MYRF: variants seen among roughly 807,000 people sequenced by gnomAD.
MYRF encodes myelin regulatory factor.
Under a neutral mutation model 126.3 loss-of-function variants are expected in MYRF, and 16 were observed. The ratio of observed to expected loss-of-function variants is 0.13; its 90% CI spans 0.09 to 0.19. The LOEUF is 0.19. Ranked by LOEUF, MYRF falls within the 10% of genes least tolerant of loss-of-function variation. The pLI, the probability that MYRF is intolerant of heterozygous loss-of-function variation, is 1.00. For missense variants in MYRF, 1,104 were observed against 1,547.0 expected (o/e 0.71, Z 4.80); for synonymous variants, 608 against 635.3 (o/e 0.96, Z 0.65).
chr11:61,780,830 C>T (rs2066521482), intron 19 of MYRF, 38 bp downstream of exon 19: 2 of 1,553,452 alleles, frequency 1.3e-6, no homozygotes, highest in Admixed American at 1.9e-5. Context: ...CTGGCTCCTG[C>T]TGCCCCTCTT....
In MYRF at chr11:61,784,282, C is replaced by T; in HGVS notation, c.3197C>T (p.Ser1066Phe). ...LHLSLTLQMN[S>F]SSPVSVVLCS... ...CTGCTAACTGGGCCTGTCTACAGCT[C>T]CTCCTCCCCCGTGTCTGTGGTGCTG... Residue 1066 changes from serine to phenylalanine, a missense_variant and splice_region_variant, in exon 25 of 27, where the codon TCC becomes TTC. Coordinates refer to ENST00000278836, the MANE Select transcript of MYRF (RefSeq NM_001127392.3). 6.2e-7 allele frequency: 1 copy of T among 1,613,662 alleles called. No homozygotes were observed. Among genetic ancestry groups the T allele is most frequent in the Non-Finnish European group, 8.5e-7 (1 of 1,179,862 alleles).
intron 7 of MYRF, among the ~76,000 whole-genome samples, chr11:61,772,265 C>T (rs568776679): frequency 2.6e-5 from 4 of 152,298 alleles, no homozygotes; most frequent in Admixed American, 6.5e-5. Context: ...GGAAGGTAGC[C>T]GGAAGCTGAG....
Position 61,773,940 on chromosome 11 carries a change from G to A in MYRF, c.1116-27G>A, listed in dbSNP as rs1354656600. On this transcript the variant is annotated intron_variant, in intron 7 of 26. Transcript: ENST00000278836. ...TTCCAGGCCCGGCTCTGGGGCCTCA[G>A]GGGAGTGCCCTCACCCGCCCCCCCA... The A allele has an allele frequency of 1.9e-6, 3 of 1,583,598 alleles. No homozygotes were observed. In the Admixed American group the frequency reaches 5.3e-5, roughly 28 times the overall value.
intron 3 of MYRF, 48 bp from the exon 4 acceptor site, chr11:61,769,212 C>G (rs1237138960): frequency 8.6e-7 from 1 of 1,158,210 alleles, no homozygotes; most frequent in East Asian, 2.6e-5. Context: ...AGCTGGAAGG[C>G]AGAAGCTCAG....
chr11:61,755,972 G>T (rs1479822375), intron 1 of MYRF, among the ~76,000 whole-genome samples: 1 of 152,224 alleles, frequency 6.6e-6, no homozygotes, highest in Non-Finnish European at 1.5e-5. Flanking sequence ...AAGCTGATGG[G>T]TGGCTGGACT....
rs1381779473 is a variant in MYRF, at chr11:61,777,571, G to T, written c.1791+107G>T. 1 of 1,409,698 alleles carries T rather than the reference G, an allele frequency of 7.1e-7. No homozygotes were observed. The highest frequency in any genetic ancestry group is 9.7e-7 in the Non-Finnish European group (1 of 1,034,830). The allele number at this position is 1,409,698 out of a possible 1,614,324, so 87.3% of individuals were successfully genotyped here. The stretch of plus-strand genomic sequence containing the variant: ...ACTACGCGGAAAGGCGGAGCTGCGG[G>T]GGAAGGAAGGGAGGGAGGCTGGCCT... On this transcript the variant is annotated intron_variant, in intron 12 of 26. Coordinates refer to ENST00000278836, the MANE Select transcript of MYRF (RefSeq NM_001127392.3). The surrounding 1 kb of genome is among the most constrained non-coding windows in gnomAD (Gnocchi z 8.8).
intron 1 of MYRF, among the ~76,000 whole-genome samples, chr11:61,764,090 C>T (rs1027815936): frequency 2.6e-5 from 4 of 152,208 alleles, no homozygotes; most frequent in African/African-American, 4.8e-5. Flanking sequence ...ATTGGTGGTG[C>T]GTGGTGGGTG....
intron 1 of MYRF, 59 bp downstream of exon 1, chr11:61,752,849 TC>T: frequency 1.4e-6 from 2 of 1,438,516 alleles, no homozygotes; most frequent in Admixed American, 2.6e-5. Context: ...CCGGCTGATC[TC>T]CCCGGGAACT....
At chr11:61,773,046 C>T (rs2066270496) in intron 7 of MYRF, among the ~76,000 whole-genome samples, 1 of 151,490 alleles carries the variant, frequency 6.6e-6, no homozygotes, top group African/African-American at 2.4e-5. Flanking sequence ...TGCTCTGTTG[C>T]CCAGGCTGGA....
chr11:61,773,890 AC>A, intron 7 of MYRF, 76 bp from the exon 8 acceptor site: 1 of 1,318,550 alleles, frequency 7.6e-7, no homozygotes, highest in South Asian at 1.4e-5. Context: ...TGGTTTTGGA[AC>A]CCAGCAGGTA....
intron 3 of MYRF, chr11:61,768,380 A>G (rs1302883754): frequency 6.6e-6 from 1 of 152,278 alleles, no homozygotes; most frequent in Non-Finnish European, 1.5e-5. Flanking sequence ...GTGGCAGCCC[A>G]GGGGGCCTGA....
In MYRF at chr11:61,773,983, C is replaced by T. The variant is rs1394441626; in HGVS notation, c.1132C>T (p.Arg378Cys). 5.6e-6 allele frequency: 9 copies of T among 1,612,300 alleles called. No individual in the cohort carries two copies. The highest frequency in any genetic ancestry group is 4.4e-5 in the South Asian group (4 of 91,064). Residue 378 changes from arginine (R) to cysteine (C), a missense_variant, in exon 8 of 27, where the codon CGC becomes TGC. Transcript: ENST00000278836. ...NYKELPMLTYRVDADKGFNFS... is the reference protein window; with the variant it reads ...NYKELPMLTYCVDADKGFNFS... ...CCCCCCCAGGCCCATGCTCACCTAC[C>T]GCGTGGATGCGGACAAGGGCTTCAA...
Position 61,781,677 on chromosome 11 carries a change from C to T in MYRF, c.2869C>T (p.Pro957Ser). The change falls in exon 22 of 27, where the codon CCT becomes TCT. Residue 957 changes from proline to serine, a missense_variant. Transcript: ENST00000278836. ...CTCCAAGCATCACAAGAGTCTGGAG[C>T]CTCTGGCCAGCCCTGCAGTCCCCTT... ...GHSKHHKSLE[P>S]LASPAVPFPG... is the part of the protein sequence containing the mutation. 1.2e-6 allele frequency: 2 copies of T among 1,613,734 alleles called. No homozygotes were observed. Among genetic ancestry groups the T allele is most frequent in the Non-Finnish European group, 1.7e-6 (2 of 1,180,034 alleles).
chr11:61,771,988 C>T lies in MYRF; in HGVS notation c.1115+36C>T, dbSNP rs769535193. 16 of 1,610,594 alleles carry T rather than the reference C, an allele frequency of 9.9e-6. No individual in the cohort carries two copies. The East Asian group carries it at 2.7e-4, about 27-fold the overall frequency. On this transcript the variant is annotated intron_variant, in intron 7 of 26. Coordinates refer to ENST00000278836, the MANE Select transcript of MYRF (RefSeq NM_001127392.3). ...TACAACACTCCCCACTCCTCCAGGC[C>T]CCCCCACCTTGGGACGCCCCAGCCC... is the stretch of plus-strand genomic sequence containing the variant.
At chr11:61,756,091 C>T (rs1162845065) in intron 1 of MYRF, among the ~76,000 whole-genome samples, 1 of 152,180 alleles carries the variant, frequency 6.6e-6, no homozygotes, top group Non-Finnish European at 1.5e-5. Flanking sequence ...CTCATAGTCT[C>T]CTGATAGGAC....
At chr11:61,775,389 T>C (rs1246533959) in intron 8 of MYRF, among the ~76,000 whole-genome samples, 1 of 151,906 alleles carries the variant, frequency 6.6e-6, no homozygotes, top group African/African-American at 2.4e-5. Flanking sequence ...CCATCCCTCC[T>C]CTCCAGGCAG....
At chr11:61,773,196 G>A (rs2066275136) in intron 7 of MYRF, among the ~76,000 whole-genome samples, 1 of 152,108 alleles carries the variant, frequency 6.6e-6, no homozygotes. Context: ...CACCATGTTG[G>A]CCAGGCTGGT....
chr11:61,771,851 C>T lies in MYRF; in HGVS notation c.1014C>T (p.Ser338=). ...PSPGLLQDSD[S]LSGSYLDPNY... is the part of the protein sequence containing the mutation. ...CAGGCCTCCTGCAGGACAGTGACAGCCTCAGTGGCTCCTACCTGGACCCCA... is the reference window on the plus strand; with the variant it reads ...CAGGCCTCCTGCAGGACAGTGACAGTCTCAGTGGCTCCTACCTGGACCCCA... The change falls in exon 7 of 27, where the codon AGC becomes AGT. Residue 338 remains serine (S), a synonymous_variant. Coordinates refer to ENST00000278836, the MANE Select transcript of MYRF (RefSeq NM_001127392.3). 6.2e-7 allele frequency: 1 copy of T among 1,614,152 alleles called. No individual in the cohort carries two copies. The highest frequency in any genetic ancestry group is 8.5e-7 in the Non-Finnish European group (1 of 1,180,004).
chr11:61,755,046 C>T lies in MYRF; in HGVS notation c.46+2256C>T, dbSNP rs147922167. Among the ~76,000 whole-genome samples, 22 of 152,300 alleles carry T rather than the reference C, an allele frequency of 1.4e-4. No individual in the cohort carries two copies. In the East Asian group the frequency reaches 3.9e-3, roughly 27 times the overall value. ...ACACTCGGGGCTGGGGCTGGGGACA[C>T]CTGAGCTCTCATCCTGGTCCCCACT... On this transcript the variant is annotated intron_variant, in intron 1 of 26. Transcript: ENST00000278836.
Sources: gnomAD v4.1 joint callset for allele counts (sites outside exome capture counted in the v4.1 genomes callset) on GRCh38, gnomAD v4.1.1 for gene constraint, Gnocchi (gnomAD v3.1) non-coding constraint, MANE v1.5 for transcripts, NCBI Gene and HGNC (gene_info 2026-07-23, HGNC 2026-07-21) for gene names.